The following LEKR1 variants were observed in gnomAD, a reference collection of about 807,000 sequenced individuals.
LEKR1 encodes the protein leucine, glutamate and lysine rich 1, also known as protein LEKR1.
Under a neutral mutation model 72.4 loss-of-function variants are expected in LEKR1, and 59 were observed. The ratio of observed to expected loss-of-function variants is 0.82; its 90% CI spans 0.66 to 1.01. The LOEUF (loss-of-function observed/expected upper bound fraction) is 1.01. LEKR1 is among the 50% of genes least tolerant of loss of function. The pLI, the probability that LEKR1 is intolerant of heterozygous loss-of-function variation, is 0.00. For missense variants in LEKR1, 728 were observed against 759.2 expected, an observed-to-expected ratio of 0.96 and a Z score of 0.48; for synonymous variants, 257 against 263.2, an observed-to-expected ratio of 0.98 and a Z score of 0.23.
At chr3:157,015,668 C>A (rs1038576337) in intron 10 of LEKR1, among the ~76,000 whole-genome samples, 7 of 152,148 alleles carry the variant, frequency 4.6e-5, no homozygotes, top group African/African-American at 1.4e-4. Flanking sequence ...GTCTGGCATC[C>A]AGTGAAAAAT....
At chr3:156,865,654 T>C (rs1717227339) in intron 3 of LEKR1, among the ~76,000 whole-genome samples, 1 of 152,046 alleles carries the variant, frequency 6.6e-6, no homozygotes, top group African/African-American at 2.4e-5. Context: ...AACCTGGTGG[T>C]TGTGTCAGAA....
At chr3:156,966,683 G>T (rs566776830) in intron 6 of LEKR1, among the ~76,000 whole-genome samples, 3 of 152,150 alleles carry the variant, frequency 2.0e-5, no homozygotes, top group Non-Finnish European at 4.4e-5. Flanking sequence ...GCCTGCCTCC[G>T]TAGACTCCAC....
chr3:156,886,642 A>T (rs1262034415), intron 3 of LEKR1, among the ~76,000 whole-genome samples: 2 of 152,020 alleles, frequency 1.3e-5, no homozygotes, highest in Admixed American at 1.3e-4. Context: ...TGCTACTTCT[A>T]CTTTTTTGTG....
intron 7 of LEKR1, among the ~76,000 whole-genome samples, chr3:156,989,939 G>T (rs116597530): frequency 6.6e-6 from 1 of 152,034 alleles, no homozygotes; most frequent in African/African-American, 2.4e-5. Context: ...CCTAATCAGT[G>T]TCATAAATTT....
intron 9 of LEKR1, among the ~76,000 whole-genome samples, chr3:156,997,064 T>TAA (rs200535143): frequency 7.1e-6 from 1 of 140,110 alleles, no homozygotes. Flanking sequence ...AAACTTCATT[T>TAA]AAAAAAAAAA....
intron 3 of LEKR1, among the ~76,000 whole-genome samples, chr3:156,853,859 T>C (rs1056007437): frequency 6.6e-6 from 1 of 152,140 alleles, no homozygotes; most frequent in African/African-American, 2.4e-5. Flanking sequence ...CTTAAAAATT[T>C]GAAGTATTAT....
At chr3:156,872,543 T>C (rs73168681) in intron 3 of LEKR1, among the ~76,000 whole-genome samples, 52 of 152,224 alleles carry the variant, frequency 3.4e-4, no homozygotes, top group Non-Finnish European at 6.5e-4. Context: ...AGATTATCGA[T>C]TTGAAATCTG....
intron 3 of LEKR1, among the ~76,000 whole-genome samples, chr3:156,909,459 G>A (rs1280663590): frequency 6.6e-6 from 1 of 152,008 alleles, no homozygotes; most frequent in African/African-American, 2.4e-5. Context: ...AGATCATCCT[G>A]GCTAACACGG....
chr3:156,923,853 G>A (rs1284949126), intron 4 of LEKR1, among the ~76,000 whole-genome samples: 8 of 151,464 alleles, frequency 5.3e-5, no homozygotes, highest in African/African-American at 1.5e-4. Flanking sequence ...TCAGCCTCCC[G>A]AGTAGCTGGG....
intron 9 of LEKR1, among the ~76,000 whole-genome samples, chr3:157,011,140 A>T (rs1732854213): frequency 6.6e-6 from 1 of 152,026 alleles, no homozygotes; most frequent in Non-Finnish European, 1.5e-5. Flanking sequence ...TGTATTTGTG[A>T]CTCTGCATAT....
At chr3:156,985,080 A>G (rs974083427) in intron 7 of LEKR1, among the ~76,000 whole-genome samples, 1 of 152,066 alleles carries the variant, frequency 6.6e-6, no homozygotes, top group Non-Finnish European at 1.5e-5. Flanking sequence ...CCTAACTTGA[A>G]CAGGCTATGT....
intron 3 of LEKR1, among the ~76,000 whole-genome samples, chr3:156,871,452 A>G (rs1717945150): frequency 6.6e-6 from 1 of 152,210 alleles, no homozygotes; most frequent in East Asian, 1.9e-4. Context: ...CATGATTTAT[A>G]GTCCTTTGGG....
chr3:156,861,627 A>G (rs900008223), intron 3 of LEKR1, among the ~76,000 whole-genome samples: 1 of 152,102 alleles, frequency 6.6e-6, no homozygotes, highest in Non-Finnish European at 1.5e-5. Context: ...AAAAACGTTG[A>G]GTACCATTGT....
intron 2 of LEKR1, among the ~76,000 whole-genome samples, chr3:156,848,718 C>T (rs1278958919): frequency 6.6e-6 from 1 of 152,074 alleles, no homozygotes; most frequent in East Asian, 1.9e-4. Flanking sequence ...GAGTTCTGTC[C>T]TCAACTTAGT....
intron 2 of LEKR1, among the ~76,000 whole-genome samples, chr3:156,843,876 T>A (rs1714248736): frequency 6.6e-6 from 1 of 151,964 alleles, no homozygotes; most frequent in Non-Finnish European, 1.5e-5. Flanking sequence ...TTTTAAGCAA[T>A]TGTAGTTTTA....
At chr3:156,953,858 A>G (rs1198546588) in intron 6 of LEKR1, among the ~76,000 whole-genome samples, 1 of 151,926 alleles carries the variant, frequency 6.6e-6, no homozygotes, top group Non-Finnish European at 1.5e-5. Flanking sequence ...TACTAGAATT[A>G]TTTATATTCC....
chr3:156,994,509 T>C (rs945406779), intron 9 of LEKR1, among the ~76,000 whole-genome samples: 11 of 152,224 alleles, frequency 7.2e-5, no homozygotes, highest in African/African-American at 2.6e-4. Context: ...ACACCGAAAA[T>C]GTACCCTCTA....
At chr3:156,968,701 TAGAC>T (rs1451286629) in intron 6 of LEKR1, among the ~76,000 whole-genome samples, 3 of 152,124 alleles carry the variant, frequency 2.0e-5, no homozygotes, top group African/African-American at 7.2e-5. Context: ...CTGTCAACAT[TAGAC>T]AGATCAATGA....
chr3:157,018,874 T>C (rs542535722), intron 10 of LEKR1, among the ~76,000 whole-genome samples: 21 of 152,354 alleles, frequency 1.4e-4, no homozygotes, highest in Middle Eastern at 3.4e-3. Flanking sequence ...ATTTACTCAG[T>C]GAACATTCTC....
Sources: gnomAD v4.1 joint callset for allele counts (sites outside exome capture counted in the v4.1 genomes callset) on GRCh38, gnomAD v4.1.1 for gene constraint, MANE v1.5 for transcripts, NCBI Gene and HGNC (gene_info 2026-07-23, HGNC 2026-07-21) for gene names.